The following SPAG17 variants were observed in gnomAD, a reference collection of about 807,000 sequenced individuals.
SPAG17 encodes the protein sperm associated antigen 17.
Under a neutral mutation model 273.6 loss-of-function variants are expected in SPAG17, and 169 were observed. The observed-to-expected ratio is 0.62, with a 90% CI of 0.55 to 0.70. The LOEUF (loss-of-function observed/expected upper bound fraction) is 0.70, where lower values mean the gene tolerates loss of function less well. SPAG17 is among the 30% of genes least tolerant of loss of function. The pLI is 0.00. For missense variants in SPAG17, 2,557 were observed against 2,627.8 expected (o/e 0.97, Z 0.59); for synonymous variants, 825 against 873.2 (o/e 0.94, Z 0.97).
Position 118,137,778 on chromosome 1 carries a change from T to G in SPAG17, c.315+12765A>C, listed in dbSNP as rs143676436. Among the ~76,000 whole-genome samples the G allele has an allele frequency of 2.6e-4, 40 of 152,340 alleles. No individual in the cohort carries two copies. The Middle Eastern group carries it at 0.014, about 52-fold the overall frequency. On this transcript the variant is annotated intron_variant, in intron 3 of 48. Coordinates refer to ENST00000336338, the MANE Select transcript of SPAG17 (RefSeq NM_206996.4). The stretch of plus-strand genomic sequence containing the variant: ...CATTCAAATTAATATTGAGTGCCTA[T>G]AATATGCACAGTACCTTTTCAATAT...
intron 1 of SPAG17, among the ~76,000 whole-genome samples, chr1:118,156,980 A>T (rs1267952426): frequency 6.6e-6 from 1 of 151,970 alleles, no homozygotes; most frequent in East Asian, 1.9e-4. Flanking sequence ...CTACTGCTTG[A>T]TTCACCCTAA....
intron 22 of SPAG17, among the ~76,000 whole-genome samples, chr1:118,040,397 G>A (rs186747981): frequency 6.6e-6 from 1 of 152,250 alleles, no homozygotes; most frequent in East Asian, 1.9e-4. Context: ...TGGCTTCTGG[G>A]ATAACAAGGT....
At chr1:118,018,664 T>C (rs1248803162) in intron 28 of SPAG17, among the ~76,000 whole-genome samples, 1 of 148,624 alleles carries the variant, frequency 6.7e-6, no homozygotes, top group Non-Finnish European at 1.5e-5. Flanking sequence ...GACACTTCAC[T>C]GCTACAAAAA....
At chr1:117,993,083 T>C (rs1657286827) in intron 35 of SPAG17, among the ~76,000 whole-genome samples, 1 of 152,190 alleles carries the variant, frequency 6.6e-6, no homozygotes, top group Non-Finnish European at 1.5e-5. Flanking sequence ...TCCATAGATC[T>C]GGGCCATCTT....
intron 28 of SPAG17, among the ~76,000 whole-genome samples, chr1:118,022,313 C>T (rs984584125): frequency 6.6e-6 from 1 of 152,092 alleles, no homozygotes; most frequent in Middle Eastern, 3.4e-3. Context: ...GATTTTTTTC[C>T]TGTTACACAA....
intron 15 of SPAG17, among the ~76,000 whole-genome samples, chr1:118,080,202 AC>A (rs1275759521): frequency 6.6e-6 from 1 of 152,118 alleles, no homozygotes; most frequent in African/African-American, 2.4e-5. Flanking sequence ...ACAGCACTTC[AC>A]CAGAAGTGTA....
chr1:118,097,402 C>T (rs1186280191), intron 7 of SPAG17, among the ~76,000 whole-genome samples: 1 of 152,158 alleles, frequency 6.6e-6, no homozygotes. Context: ...AACAAAGCCA[C>T]GTGTCACCAT....
At chr1:118,184,959 G>T (rs909041302) in intron 1 of SPAG17, 112 bp downstream of exon 1, 12 of 901,224 alleles carry the variant, frequency 1.3e-5, no homozygotes, top group African/African-American at 9.9e-5. Flanking sequence ...GAACCATCAG[G>T]CCACGGAGAG....
chr1:118,135,432 G>T (rs2066447), intron 3 of SPAG17, among the ~76,000 whole-genome samples: 94,918 of 145,558 alleles, frequency 0.65, 30,440 homozygotes, highest in African/African-American at 0.71. Flanking sequence ...TGTGTGTGTG[G>T]GGTATGGTGT....
chr1:117,970,923 T>G (rs1166620664), intron 45 of SPAG17, among the ~76,000 whole-genome samples: 1 of 152,210 alleles, frequency 6.6e-6, no homozygotes, highest in Non-Finnish European at 1.5e-5. Flanking sequence ...AACAATCGTG[T>G]GATTTGGTGG....
At chr1:118,181,567 G>A (rs1660950219) in intron 1 of SPAG17, among the ~76,000 whole-genome samples, 1 of 151,974 alleles carries the variant, frequency 6.6e-6, no homozygotes, top group African/African-American at 2.4e-5. Context: ...AAAGAATAAA[G>A]ACACTCAACA....
In SPAG17 at chr1:118,040,708, A is replaced by G. The variant is rs768387207; in HGVS notation, c.3166+22T>C. On this transcript the variant is annotated intron_variant, in intron 22 of 48. Coordinates refer to ENST00000336338, the MANE Select transcript of SPAG17 (RefSeq NM_206996.4). The stretch of plus-strand genomic sequence containing the variant: ...TGCATTATTATGTTTCCAATCATTA[A>G]CCAGTTGCTTTCAAAATGTACCTTT... The G allele has an allele frequency of 9.7e-6, 14 of 1,447,636 alleles. No homozygotes were observed. The Admixed American group carries it at 2.0e-4, about 21-fold the overall frequency. The allele number at this position is 1,447,636 out of a possible 1,614,324, so 89.7% of individuals were successfully genotyped here.
At chr1:118,162,571 C>T (rs1659982524) in intron 1 of SPAG17, among the ~76,000 whole-genome samples, 1 of 152,164 alleles carries the variant, frequency 6.6e-6, no homozygotes, top group African/African-American at 2.4e-5. Flanking sequence ...ACGTATTTCG[C>T]AGCTATGAAG....
At position 118,042,046 on chromosome 1, in the gene SPAG17, T is replaced by C. The variant is rs768041199; in HGVS notation, c.2815-4A>G. 2 of 1,599,902 alleles carry C rather than the reference T, an allele frequency of 1.3e-6. No individual in the cohort carries two copies. The highest frequency in any genetic ancestry group is 1.7e-6 in the Non-Finnish European group (2 of 1,176,614). On this transcript the variant is annotated splice_region_variant and splice_polypyrimidine_tract_variant and intron_variant, in intron 20 of 48. Coordinates refer to ENST00000336338, the MANE Select transcript of SPAG17 (RefSeq NM_206996.4). ...GATGTTGCTCTTCTTTCCATGCCTG[T>C]AAACACATTTAAGAAATTTAACAGG...
At chr1:118,101,957 T>A (rs1461877813) in intron 4 of SPAG17, 31 bp from the exon 5 acceptor site, 4 of 1,579,498 alleles carry the variant, frequency 2.5e-6, no homozygotes, top group Non-Finnish European at 3.5e-6. Flanking sequence ...TTTCTCCAAA[T>A]CAAACAGTGA....
chr1:117,994,824 C>CGA (rs1428239195), intron 34 of SPAG17, among the ~76,000 whole-genome samples: 2 of 152,052 alleles, frequency 1.3e-5, no homozygotes, highest in Non-Finnish European at 2.9e-5. Flanking sequence ...CTTGTTGAGT[C>CGA]CATCTTTTTC....
chr1:118,010,984 T>C (rs1571231253), intron 30 of SPAG17, among the ~76,000 whole-genome samples: 1 of 152,120 alleles, frequency 6.6e-6, no homozygotes, highest in Non-Finnish European at 1.5e-5. Flanking sequence ...TCAACATCAC[T>C]GAACATTAGA....
chr1:117,996,608 G>A lies in SPAG17; in HGVS notation c.4912C>T (p.His1638Tyr), dbSNP rs1346332175. ...EKNHQQIYGE[H>Y]VPRFFVMYAD... ...GTATTATTCTTTTACCTGGGGACAT[G>A]TTCACCATAGATTTGCTGATGATTC... is the stretch of plus-strand genomic sequence containing the variant. Residue 1638 changes from histidine to tyrosine, a missense_variant, in exon 33 of 49, where the codon CAT (histidine) becomes TAT (tyrosine). By Grantham distance (83) the His-to-Tyr change is moderately conservative. Transcript: ENST00000336338. 2 of 1,610,856 alleles carry A rather than the reference G, an allele frequency of 1.2e-6. No homozygotes were observed. The highest frequency in any genetic ancestry group is 1.7e-6 in the Non-Finnish European group (2 of 1,178,948).
At chr1:118,139,129 T>G (rs1658523181) in intron 3 of SPAG17, among the ~76,000 whole-genome samples, 1 of 150,598 alleles carries the variant, frequency 6.6e-6, no homozygotes, top group African/African-American at 2.4e-5. Flanking sequence ...GAAAAAAAAT[T>G]TAAAAAAAAT....
Sources: gnomAD v4.1 joint callset for allele counts (sites outside exome capture counted in the v4.1 genomes callset) on GRCh38, gnomAD v4.1.1 for gene constraint, MANE v1.5 for transcripts, NCBI Gene and HGNC (gene_info 2026-07-23, HGNC 2026-07-21) for gene names.